LPP: variants seen among roughly 807,000 people sequenced by gnomAD.
LPP encodes lipoma-preferred partner.
In LPP, 38 loss-of-function variants were observed where a neutral mutation model predicts 60.4. The ratio of observed to expected loss-of-function variants is 0.63; its 90% CI spans 0.49 to 0.83. LPP has a LOEUF of 0.83. Ranked by LOEUF, LPP falls within the 40% of genes least tolerant of loss-of-function variation. The pLI is 0.00. For missense variants in LPP, 902 were observed against 783.6 expected (o/e 1.15, Z -1.80); for synonymous variants, 328 against 290.8 (o/e 1.13, Z -1.30).
chr3:188,658,416 A>ATT (rs11412618), intron 7 of LPP, among the ~76,000 whole-genome samples: 9 of 152,020 alleles, frequency 5.9e-5, no homozygotes, highest in Non-Finnish European at 1.2e-4. Flanking sequence ...AACTGAAGTT[A>ATT]TTTTTTAAAT....
intron 5 of LPP, among the ~76,000 whole-genome samples, chr3:188,516,699 C>T (rs965617073): frequency 1.4e-5 from 2 of 145,482 alleles, no homozygotes; most frequent in African/African-American, 5.5e-5. Flanking sequence ...AGACCAGCAC[C>T]ATCACTGGGG....
At chr3:188,712,629 C>G (rs73058723) in intron 8 of LPP, 1 of 152,234 alleles carries the variant, frequency 6.6e-6, no homozygotes, top group African/African-American at 2.4e-5. Context: ...TAAATAACTT[C>G]TCTTTTTTGC....
intron 2 of LPP, among the ~76,000 whole-genome samples, chr3:188,316,880 C>T (rs1755246610): frequency 6.6e-6 from 1 of 152,202 alleles, no homozygotes; most frequent in African/African-American, 2.4e-5. Flanking sequence ...TCCCAGGGAA[C>T]CTCCTGTCCC....
At chr3:188,666,179 A>ATTT (rs1855758444) in intron 7 of LPP, among the ~76,000 whole-genome samples, 1 of 152,252 alleles carries the variant, frequency 6.6e-6, no homozygotes, top group African/African-American at 2.4e-5. Flanking sequence ...AATGTTATAA[A>ATTT]CTATTTATAT....
intron 4 of LPP, among the ~76,000 whole-genome samples, chr3:188,452,532 T>A (rs1287093655): frequency 6.6e-6 from 1 of 152,214 alleles, no homozygotes; most frequent in Non-Finnish European, 1.5e-5. Flanking sequence ...TCTTCTCATT[T>A]AAGTGACGTG....
chr3:188,264,110 T>C (rs568944699), intron 2 of LPP, among the ~76,000 whole-genome samples: 1 of 152,248 alleles, frequency 6.6e-6, no homozygotes, highest in African/African-American at 2.4e-5. Flanking sequence ...TTTGATCTCC[T>C]CCCCTAGAAT....
intron 8 of LPP, among the ~76,000 whole-genome samples, chr3:188,739,086 CA>C (rs1723522303): frequency 6.6e-6 from 1 of 151,826 alleles, no homozygotes; most frequent in African/African-American, 2.4e-5. Context: ...GCCTATAGCA[CA>C]AAATGAATTA....
At chr3:188,290,216 T>C (rs1745477570) in intron 2 of LPP, among the ~76,000 whole-genome samples, 1 of 152,136 alleles carries the variant, frequency 6.6e-6, no homozygotes, top group South Asian at 2.1e-4. Flanking sequence ...CTTCAAGTGG[T>C]CTGACTGCCT....
At chr3:188,245,256 G>T (rs962930041) in intron 2 of LPP, among the ~76,000 whole-genome samples, 16 of 151,428 alleles carry the variant, frequency 1.1e-4, no homozygotes, top group Admixed American at 3.3e-4. Flanking sequence ...GGGATTACAG[G>T]CACCCGCCAC....
intron 2 of LPP, among the ~76,000 whole-genome samples, chr3:188,236,664 T>C (rs1268600171): frequency 2.0e-5 from 3 of 152,248 alleles, no homozygotes; most frequent in African/African-American, 7.2e-5. Flanking sequence ...GTTTACACTA[T>C]ACTGTAGTCT....
rs748530919 is a variant in LPP, at chr3:188,708,402, G to A, written c.1240+9G>A. The A allele has an allele frequency of 1.9e-6, 3 of 1,614,086 alleles. No individual in the cohort carries two copies. The highest frequency in any genetic ancestry group is 2.5e-6 in the Non-Finnish European group (3 of 1,179,988). ...TGCTGACGAATACTTTGGTGAGTGG[G>A]GCCTAGAGCTGACTTCTGAAGTAAC... On this transcript the variant is annotated intron_variant, in intron 8 of 11. Coordinates refer to ENST00000617246, the MANE Select transcript of LPP (RefSeq NM_001375462.1).
At chr3:188,290,652 C>T (rs1046940645) in intron 2 of LPP, among the ~76,000 whole-genome samples, 3 of 152,104 alleles carry the variant, frequency 2.0e-5, no homozygotes, top group African/African-American at 4.8e-5. Context: ...GTTGTATTTA[C>T]ACAGCTACTA....
chr3:188,705,079 A>G (rs926408333), intron 7 of LPP, among the ~76,000 whole-genome samples: 1 of 152,186 alleles, frequency 6.6e-6, no homozygotes, highest in Admixed American at 6.5e-5. Flanking sequence ...TATCTTTATC[A>G]CTTGAAGTCA....
At chr3:188,831,211 G>A (rs1413513254) in intron 9 of LPP, among the ~76,000 whole-genome samples, 1 of 152,202 alleles carries the variant, frequency 6.6e-6, no homozygotes, top group Non-Finnish European at 1.5e-5. Context: ...AGGAGGAACT[G>A]AGCAGTTCAT....
intron 6 of LPP, among the ~76,000 whole-genome samples, chr3:188,578,316 GC>G (rs1835244960): frequency 6.6e-6 from 1 of 151,310 alleles, no homozygotes; most frequent in African/African-American, 2.4e-5. Context: ...ATCTTGATTG[GC>G]CTCCTTCCTA....
At chr3:188,691,753 A>G (rs564002726) in intron 7 of LPP, among the ~76,000 whole-genome samples, 5 of 152,332 alleles carry the variant, frequency 3.3e-5, no homozygotes, top group Admixed American at 6.5e-5. Context: ...TATTTTCTCT[A>G]TACTTTTCTT....
intron 3 of LPP, among the ~76,000 whole-genome samples, chr3:188,369,731 T>G (rs1772432564): frequency 6.6e-6 from 1 of 152,190 alleles, no homozygotes; most frequent in African/African-American, 2.4e-5. Flanking sequence ...GCGCTGTGAA[T>G]CAGCAGGACT....
At chr3:188,417,253 AC>A (rs1786548408) in intron 4 of LPP, among the ~76,000 whole-genome samples, 1 of 152,082 alleles carries the variant, frequency 6.6e-6, no homozygotes, top group Non-Finnish European at 1.5e-5. Flanking sequence ...TATAACAGGC[AC>A]CACATGTGCA....
chr3:188,856,036 C>A, intron 9 of LPP, among the ~76,000 whole-genome samples: 1 of 152,080 alleles, frequency 6.6e-6, no homozygotes, highest in East Asian at 1.9e-4. Flanking sequence ...ATAAAGGTAA[C>A]AAAATTGAGG....
Sources: allele counts gnomAD v4.1 joint callset (sites outside exome capture counted in the v4.1 genomes callset), GRCh38; gene constraint gnomAD v4.1.1; transcripts MANE v1.5; gene names NCBI Gene and HGNC (gene_info 2026-07-23, HGNC 2026-07-21).